Variants in SPOCK1 observed in about 807,000 individuals in gnomAD.
SPOCK1 encodes the protein SPARC (osteonectin), cwcv and kazal like domains proteoglycan 1, also known as testican-1.
A neutral mutation model predicts 55.3 loss-of-function variants in SPOCK1; 23 were observed. That is an observed-to-expected ratio of 0.42 (90% CI 0.30 to 0.59). The LOEUF (loss-of-function observed/expected upper bound fraction) is 0.59. Among genes scored for constraint, SPOCK1 ranks in the 20% least tolerant of loss-of-function variants. The probability of loss-of-function intolerance (pLI) is 0.22; values close to 1 mark genes in which losing one functional copy is unlikely to be tolerated. For synonymous variants in SPOCK1, 226 were observed against 221.0 expected (o/e 1.02, Z -0.20); for missense variants, 499 against 552.5 (o/e 0.90, Z 0.97).
chr5:137,296,594 C>T (rs889565937), intron 2 of SPOCK1, among the ~76,000 whole-genome samples: 1 of 152,164 alleles, frequency 6.6e-6, no homozygotes, highest in African/African-American at 2.4e-5. Context: ...GATGAAAAGG[C>T]TTTCCCACTG....
At chr5:137,185,122 G>A (rs550713924) in intron 3 of SPOCK1, among the ~76,000 whole-genome samples, 1 of 152,288 alleles carries the variant, frequency 6.6e-6, no homozygotes, top group African/African-American at 2.4e-5. Flanking sequence ...AGTCAGGGCA[G>A]AGAGAGGAAA....
At chr5:137,308,562 C>T (rs1361803637) in intron 2 of SPOCK1, among the ~76,000 whole-genome samples, 1 of 152,228 alleles carries the variant, frequency 6.6e-6, no homozygotes, top group Admixed American at 6.5e-5. Context: ...GCGGTTCCAG[C>T]TCCTACCAGA....
intron 5 of SPOCK1, among the ~76,000 whole-genome samples, chr5:137,109,178 G>T (rs560582453): frequency 6.6e-6 from 1 of 152,318 alleles, no homozygotes; most frequent in South Asian, 2.1e-4. Flanking sequence ...CCAGTCTCAG[G>T]CTGAGGATCA....
chr5:137,038,211 G>A (rs1186378043), intron 6 of SPOCK1, among the ~76,000 whole-genome samples: 1 of 152,176 alleles, frequency 6.6e-6, no homozygotes, highest in African/African-American at 2.4e-5. Context: ...ACCAAAGTCT[G>A]AGACTCATGA....
intron 3 of SPOCK1, among the ~76,000 whole-genome samples, chr5:137,195,688 C>T (rs749917759): frequency 3.3e-5 from 5 of 152,180 alleles, no homozygotes; most frequent in Admixed American, 2.0e-4. Context: ...AACTTTATGT[C>T]AGTCATCACC....
intron 6 of SPOCK1, among the ~76,000 whole-genome samples, chr5:137,011,515 A>G (rs1462291640): frequency 6.6e-6 from 1 of 152,162 alleles, no homozygotes; most frequent in Non-Finnish European, 1.5e-5. Flanking sequence ...TTTTCTCCCT[A>G]AGCCCAGAGA....
intron 5 of SPOCK1, among the ~76,000 whole-genome samples, chr5:137,083,150 C>T (rs984901034): frequency 1.4e-4 from 21 of 152,170 alleles, no homozygotes; most frequent in Admixed American, 1.3e-3. Context: ...AAAGTAATAA[C>T]GAGCAGTCAC....
At chr5:137,177,236 T>A (rs763611436) in intron 3 of SPOCK1, among the ~76,000 whole-genome samples, 4 of 152,198 alleles carry the variant, frequency 2.6e-5, no homozygotes, top group African/African-American at 4.8e-5. Flanking sequence ...ATCTACCACG[T>A]GAAGTTAAAG....
intron 6 of SPOCK1, among the ~76,000 whole-genome samples, chr5:137,030,396 G>A (rs1751756953): frequency 1.3e-5 from 2 of 152,250 alleles, no homozygotes; most frequent in African/African-American, 4.8e-5. Flanking sequence ...TTCGATGCAA[G>A]AGCAGAGGTA....
At chr5:137,393,653 T>C (rs559261770) in intron 2 of SPOCK1, among the ~76,000 whole-genome samples, 1 of 152,386 alleles carries the variant, frequency 6.6e-6, no homozygotes, top group East Asian at 1.9e-4. Context: ...TGTGTGCTTA[T>C]GTTCATAGGA....
intron 2 of SPOCK1, among the ~76,000 whole-genome samples, chr5:137,481,851 G>A (rs1753957194): frequency 6.6e-6 from 1 of 152,184 alleles, no homozygotes; most frequent in Non-Finnish European, 1.5e-5. Flanking sequence ...ATGCCAAAGA[G>A]CTCAGTAGGC....
intron 3 of SPOCK1, among the ~76,000 whole-genome samples, chr5:137,229,677 C>A (rs1415602589): frequency 2.0e-5 from 3 of 152,030 alleles, no homozygotes; most frequent in Non-Finnish European, 4.4e-5. Flanking sequence ...CTTTTTGGCA[C>A]CAGGGACCAG....
rs1009599166 is a variant in SPOCK1, at chr5:136,976,327, C to T, written c.*2327G>A. The T allele has an allele frequency of 6.6e-5, 10 of 152,580 alleles. No homozygotes were observed. Among genetic ancestry groups the T allele is most frequent in the Admixed American group, 3.9e-4 (6 of 15,278 alleles). The allele number at this position is 152,580 out of a possible 1,614,324, so 9.5% of individuals were successfully genotyped here. A position where few individuals can be genotyped will look rare whatever the true frequency, so the allele number is the denominator to read the frequency against. ...TAGAATGTCTCTGAAAATGGCATCTCATTACCTTACTGGGAACTGTCTATT... is the reference window on the plus strand; with the variant it reads ...TAGAATGTCTCTGAAAATGGCATCTTATTACCTTACTGGGAACTGTCTATT... On this transcript the variant is annotated 3_prime_UTR_variant, in exon 11 of 11. Transcript: ENST00000394945.
intron 4 of SPOCK1, among the ~76,000 whole-genome samples, chr5:137,136,836 C>G (rs1461987183): frequency 6.6e-6 from 1 of 152,202 alleles, no homozygotes; most frequent in African/African-American, 2.4e-5. Context: ...CCCCACTCTA[C>G]ATTGTTTAAC....
intron 3 of SPOCK1, among the ~76,000 whole-genome samples, chr5:137,243,572 C>G (rs1756332658): frequency 6.6e-6 from 1 of 152,200 alleles, no homozygotes; most frequent in Non-Finnish European, 1.5e-5. Context: ...CCTCCTACCT[C>G]TCTGTGTTAC....
At chr5:137,289,983 G>A (rs1231156743) in intron 2 of SPOCK1, among the ~76,000 whole-genome samples, 1 of 152,178 alleles carries the variant, frequency 6.6e-6, no homozygotes, top group East Asian at 1.9e-4. Context: ...TGGAACTCCT[G>A]CACACTGCTG....
chr5:137,174,824 G>A (rs1422478510), intron 3 of SPOCK1, among the ~76,000 whole-genome samples: 2 of 152,162 alleles, frequency 1.3e-5, no homozygotes, highest in Admixed American at 1.3e-4. Context: ...TCTAATGAAT[G>A]ACTGAGACAG....
chr5:137,480,781 G>A (rs1048683311), intron 2 of SPOCK1, among the ~76,000 whole-genome samples: 1 of 152,112 alleles, frequency 6.6e-6, no homozygotes, highest in Non-Finnish European at 1.5e-5. Flanking sequence ...GGGAAAGTGG[G>A]AAGTATTTAA....
At chr5:137,013,286 A>G (rs1396251557) in intron 6 of SPOCK1, among the ~76,000 whole-genome samples, 1 of 152,144 alleles carries the variant, frequency 6.6e-6, no homozygotes, top group Non-Finnish European at 1.5e-5. Context: ...AGACAAAAAC[A>G]CTCCGATGAG....
Sources: allele counts gnomAD v4.1 joint callset (sites outside exome capture counted in the v4.1 genomes callset), GRCh38; gene constraint gnomAD v4.1.1; transcripts MANE v1.5; gene names NCBI Gene and HGNC (gene_info 2026-07-23, HGNC 2026-07-21).